CSMD2: variants seen among roughly 807,000 people sequenced by gnomAD.
CSMD2 encodes the protein CUB and sushi domain-containing protein 2.
A neutral mutation model predicts 398.5 loss-of-function variants in CSMD2; 130 were observed. The observed-to-expected ratio is 0.33, with a 90% CI of 0.28 to 0.38. The LOEUF is 0.38. Ranked by LOEUF, CSMD2 falls within the 10% of genes least tolerant of loss-of-function variation. The pLI, the probability that CSMD2 is intolerant of heterozygous loss-of-function variation, is 1.00. For synonymous variants in CSMD2, 1,828 were observed against 1,908.5 expected, an observed-to-expected ratio of 0.96 and a Z score of 1.10; for missense variants, 3,829 against 4,764.9, an observed-to-expected ratio of 0.80 and a Z score of 5.78.
At position 34,013,291 on chromosome 1, in the gene CSMD2, C is replaced by T. The variant is rs16836188; in HGVS notation, c.517+19303G>A. ...GAGCTTCTGTGCTCTGTGCCATGGG[C>T]GAGCCTTTGTCTGCGCTGCCATCTG... On this transcript the variant is annotated intron_variant, in intron 3 of 70. Coordinates refer to ENST00000373381, the MANE Select transcript of CSMD2 (RefSeq NM_001281956.2). Among the ~76,000 whole-genome samples, 1,376 of 152,322 alleles carry T rather than the reference C, an allele frequency of 9.0e-3. 36 individuals carry two copies. The highest frequency in any genetic ancestry group is 0.078 in the East Asian group (403 of 5,172).
chr1:33,728,313 A>G (rs551483419), intron 15 of CSMD2, among the ~76,000 whole-genome samples: 1 of 145,222 alleles, frequency 6.9e-6, no homozygotes, highest in African/African-American at 2.7e-5. Context: ...CATAAAAGAT[A>G]GTCTAATATA....
chr1:34,055,406 T>C (rs1653716164), intron 2 of CSMD2, among the ~76,000 whole-genome samples: 1 of 152,118 alleles, frequency 6.6e-6, no homozygotes, highest in Non-Finnish European at 1.5e-5. Context: ...GGTTGAGGGC[T>C]CAGTCTCACA....
intron 68 of CSMD2, among the ~76,000 whole-genome samples, chr1:33,520,870 C>T (rs1052049290): frequency 1.9e-4 from 29 of 152,178 alleles, no homozygotes; most frequent in African/African-American, 5.6e-4. Context: ...CCAGACCCCT[C>T]CCCCCACCAG....
At chr1:33,821,536 C>A (rs986949847) in intron 7 of CSMD2, among the ~76,000 whole-genome samples, 1 of 152,162 alleles carries the variant, frequency 6.6e-6, no homozygotes, top group Non-Finnish European at 1.5e-5. Flanking sequence ...GGACAGCATT[C>A]GGCATTTTCC....
intron 3 of CSMD2, among the ~76,000 whole-genome samples, chr1:33,970,690 G>A (rs947549513): frequency 2.6e-5 from 4 of 152,226 alleles, no homozygotes; most frequent in Admixed American, 2.0e-4. Context: ...GGTGCGTGCA[G>A]GGACAGGGCT....
chr1:33,973,984 CCTT>C (rs1410817263), intron 3 of CSMD2, among the ~76,000 whole-genome samples: 2 of 152,168 alleles, frequency 1.3e-5, no homozygotes, highest in Admixed American at 6.5e-5. Context: ...TGGCCACTTC[CCTT>C]CTTCTGCTGC....
chr1:33,929,166 C>A (rs149009270), intron 4 of CSMD2, among the ~76,000 whole-genome samples: 110 of 152,192 alleles, frequency 7.2e-4, no homozygotes, highest in Middle Eastern at 3.4e-3. Flanking sequence ...GCCATCCAAC[C>A]CATCTATAAG....
At position 33,724,569 on chromosome 1, in the gene CSMD2, G is replaced by A. The variant is rs753906923; in HGVS notation, c.2831C>T (p.Pro944Leu). 2 of 1,614,216 alleles carry A rather than the reference G, an allele frequency of 1.2e-6. No individual in the cohort carries two copies. The highest frequency in any genetic ancestry group is 2.2e-5 in the East Asian group (1 of 44,882). The change falls in exon 18 of 71, where the codon CCT (proline) becomes CTT (leucine). Residue 944 changes from proline (P) to leucine (L), a missense_variant. Transcript: ENST00000373381. ...CTGGAAGTTGGGCTCACACTCCAGA[G>A]GCTCCCCGTCACTTAATGTGTAGCC... is the stretch of plus-strand genomic sequence containing the variant. ...DSGYTLSDGE[P>L]LECEPNFQWS...
At chr1:33,857,242 C>G (rs1371441832) in intron 5 of CSMD2, among the ~76,000 whole-genome samples, 1 of 152,088 alleles carries the variant, frequency 6.6e-6, no homozygotes, top group Non-Finnish European at 1.5e-5. Context: ...ATAAAAGGTG[C>G]CTGGCACATA....
chr1:33,861,269 G>A (rs1202162527), intron 5 of CSMD2: 1 of 152,138 alleles, frequency 6.6e-6, no homozygotes, highest in African/African-American at 2.4e-5. Flanking sequence ...GCAGATTTAC[G>A]ACCCCCAGCT....
chr1:33,871,704 C>T (rs1034044817), intron 5 of CSMD2, among the ~76,000 whole-genome samples: 1 of 152,182 alleles, frequency 6.6e-6, no homozygotes, highest in African/African-American at 2.4e-5. Context: ...ACAGCCCTCA[C>T]CTCCTGGGTT....
In CSMD2 at chr1:33,519,003, G is replaced by A. The variant is rs994113582; in HGVS notation, c.*53+462C>T. On this transcript the variant is annotated intron_variant, in intron 70 of 70. Coordinates refer to ENST00000373381, the MANE Select transcript of CSMD2 (RefSeq NM_001281956.2). The surrounding 1 kb of genome is among the most constrained non-coding windows in gnomAD (Gnocchi z 5.6). ...TATACACAGATATATGTGCATCTCTGTATAGCTCTACAGATCTCCAGGGCT... is the reference window on the plus strand; with the variant it reads ...TATACACAGATATATGTGCATCTCTATATAGCTCTACAGATCTCCAGGGCT... Among the ~76,000 whole-genome samples, 1 of 151,998 alleles carries A rather than the reference G, an allele frequency of 6.6e-6. No homozygotes were observed. Among genetic ancestry groups the A allele is most frequent in the Non-Finnish European group, 1.5e-5 (1 of 68,020 alleles).
chr1:33,762,727 C>T (rs1422839553), intron 13 of CSMD2, among the ~76,000 whole-genome samples: 1 of 132,134 alleles, frequency 7.6e-6, no homozygotes, highest in Non-Finnish European at 1.6e-5. Flanking sequence ...TTTGTGACCA[C>T]ATCTATGTGC....
Position 33,714,746 on chromosome 1 carries a change from C to T in CSMD2, c.3247G>A (p.Glu1083Lys), listed in dbSNP as rs759906758. 22 of 1,613,992 alleles carry T rather than the reference C, an allele frequency of 1.4e-5. No homozygotes were observed. The highest frequency in any genetic ancestry group is 1.1e-4 in the East Asian group (5 of 44,886). Residue 1083 changes from glutamate to lysine, a missense_variant, in exon 21 of 71, where the codon GAG (glutamate) becomes AAG (lysine). By Grantham distance (56) the Glu-to-Lys change is moderately conservative. Coordinates refer to ENST00000373381, the MANE Select transcript of CSMD2 (RefSeq NM_001281956.2). ...EYDLEPCEEP[E>K]VPAYSIRKGL... is the part of the protein sequence containing the mutation. ...TTCCGGATGCTGTAGGCTGGGACCT[C>T]GGGCTCCTCACAGGGCTCCAAGTCG...
intron 13 of CSMD2, among the ~76,000 whole-genome samples, chr1:33,756,775 AATACC>A (rs1313441802): frequency 6.6e-6 from 1 of 152,216 alleles, no homozygotes; most frequent in Non-Finnish European, 1.5e-5. Flanking sequence ...TAGAACTAGA[AATACC>A]ATTTGACCCA....
intron 64 of CSMD2, among the ~76,000 whole-genome samples, chr1:33,531,057 A>G (rs1020676592): frequency 2.6e-5 from 4 of 152,200 alleles, no homozygotes; most frequent in African/African-American, 7.2e-5. Context: ...ACCATAGTTA[A>G]TAACAATGCA....
At chr1:33,828,418 C>T (rs932795082) in intron 6 of CSMD2, among the ~76,000 whole-genome samples, 3 of 152,156 alleles carry the variant, frequency 2.0e-5, no homozygotes, top group South Asian at 4.1e-4. Flanking sequence ...CTCTATGACC[C>T]GGTGCAGCCC....
chr1:33,887,307 G>A (rs545057818), intron 5 of CSMD2, among the ~76,000 whole-genome samples: 4 of 151,376 alleles, frequency 2.6e-5, no homozygotes, highest in South Asian at 2.1e-4. Flanking sequence ...CATAAACAAC[G>A]AGGAACAGCC....
At chr1:34,051,260 C>T (rs1485548080) in intron 2 of CSMD2, among the ~76,000 whole-genome samples, 2 of 152,156 alleles carry the variant, frequency 1.3e-5, no homozygotes, top group African/African-American at 2.4e-5. Context: ...GGTCACCCCA[C>T]GTGGTAAAGA....
Sources: allele counts gnomAD v4.1 joint callset (sites outside exome capture counted in the v4.1 genomes callset), GRCh38; gene constraint gnomAD v4.1.1; non-coding constraint Gnocchi (gnomAD v3.1); transcripts MANE v1.5; gene names NCBI Gene and HGNC (gene_info 2026-07-23, HGNC 2026-07-21).